The following ROR2 variants were observed in gnomAD, a reference collection of about 807,000 sequenced individuals.
ROR2 encodes the protein tyrosine-protein kinase transmembrane receptor ROR2.
ROR2 carries 33 observed loss-of-function variants against 74.9 expected under a neutral mutation model. The ratio of observed to expected loss-of-function variants is 0.44; its 90% confidence interval spans 0.33 to 0.59. The LOEUF (loss-of-function observed/expected upper bound fraction) is 0.59. Ranked by LOEUF, ROR2 falls within the 20% of genes least tolerant of loss-of-function variation. The probability of loss-of-function intolerance (pLI) is 0.02; values close to 1 mark genes in which losing one functional copy is unlikely to be tolerated. For missense variants in ROR2, 1,216 were observed against 1,313.8 expected, an observed-to-expected ratio of 0.93 and a Z score of 1.15; for synonymous variants, 586 against 558.7, an observed-to-expected ratio of 1.05 and a Z score of -0.69.
intron 2 of ROR2, among the ~76,000 whole-genome samples, chr9:91,772,024 C>T (rs1761629258): frequency 6.6e-6 from 1 of 152,186 alleles, no homozygotes; most frequent in Non-Finnish European, 1.5e-5. Flanking sequence ...TTCCCAGAAG[C>T]TCTATGAGCA....
intron 8 of ROR2, among the ~76,000 whole-genome samples, 167 bp downstream of exon 8, chr9:91,726,374 A>G (rs1007069715): frequency 1.3e-5 from 2 of 152,128 alleles, no homozygotes; most frequent in African/African-American, 2.4e-5. Context: ...TAAAGCACAC[A>G]TGTCCTGATC....
chr9:91,905,551 T>C lies in ROR2; in HGVS notation c.97+44316A>G, dbSNP rs749135362. Among the ~76,000 whole-genome samples, 25 of 149,302 alleles carry C rather than the reference T, an allele frequency of 1.7e-4. No individual in the cohort carries two copies. Among genetic ancestry groups the C allele is most frequent in the Non-Finnish European group, 2.8e-4 (19 of 67,272 alleles). On this transcript the variant is annotated intron_variant, in intron 1 of 8. Coordinates refer to ENST00000375708, the MANE Select transcript of ROR2 (RefSeq NM_004560.4). This position sits in a 1 kb window ranked among gnomAD's most constrained non-coding sequence, Gnocchi z 5.3. ...CACAACCCAACATACACAGACACAA[T>C]ACAACACATACACAAACATACAACA... is the stretch of plus-strand genomic sequence containing the variant.
intron 2 of ROR2, among the ~76,000 whole-genome samples, chr9:91,759,454 G>A (rs1028912637): frequency 2.6e-5 from 4 of 152,154 alleles, no homozygotes; most frequent in Non-Finnish European, 5.9e-5. Flanking sequence ...AAATGCTGAT[G>A]ACAATTCTTT....
chr9:91,944,353 T>C (rs1218035934), intron 1 of ROR2, among the ~76,000 whole-genome samples: 17 of 152,214 alleles, frequency 1.1e-4, no homozygotes, highest in Admixed American at 1.1e-3. Context: ...CATGACTGTA[T>C]TGGAAGTTCC....
intron 1 of ROR2, among the ~76,000 whole-genome samples, chr9:91,857,603 G>A (rs1829335371): frequency 1.3e-5 from 2 of 152,202 alleles, no homozygotes; most frequent in South Asian, 2.1e-4. Flanking sequence ...GGAGTGAGAT[G>A]TTACACACCG....
At chr9:91,799,659 T>C (rs145010024) in intron 1 of ROR2, among the ~76,000 whole-genome samples, 1 of 152,146 alleles carries the variant, frequency 6.6e-6, no homozygotes, top group Admixed American at 6.5e-5. Context: ...AAATACCAAG[T>C]AGGGACAAGG....
intron 1 of ROR2, among the ~76,000 whole-genome samples, chr9:91,897,522 G>A (rs1830564968): frequency 6.6e-6 from 1 of 151,460 alleles, no homozygotes; most frequent in African/African-American, 2.4e-5. Flanking sequence ...AGAACAAAGT[G>A]ATACTGGGTG....
intron 2 of ROR2, among the ~76,000 whole-genome samples, chr9:91,772,219 G>A (rs1826255571): frequency 6.6e-6 from 1 of 152,146 alleles, no homozygotes; most frequent in Non-Finnish European, 1.5e-5. Context: ...GGAAAGATTG[G>A]GGCCCCTACC....
At chr9:91,820,944 A>T (rs1175203044) in intron 1 of ROR2, among the ~76,000 whole-genome samples, 1 of 152,184 alleles carries the variant, frequency 6.6e-6, no homozygotes, top group Non-Finnish European at 1.5e-5. Flanking sequence ...TCTACTAAAA[A>T]TAAAAAATTA....
rs780864822 is a variant in ROR2, at chr9:91,733,096, C to T, written c.937+26G>A. 3.8e-6 allele frequency: 6 copies of T among 1,565,034 alleles called. No individual in the cohort carries two copies. The highest frequency in any genetic ancestry group is 1.9e-4 in the Middle Eastern group (1 of 5,176). ...CCCTACACTCCCTGCGCCCCCCGGT[C>T]CCGCCCCGGGCCCTCGGGCACTCAC... On this transcript the variant is annotated intron_variant, in intron 6 of 8. Transcript: ENST00000375708. The surrounding 1 kb of genome is among the most constrained non-coding windows in gnomAD (Gnocchi z 5.7).
At chr9:91,769,831 C>T (rs1826172724) in intron 2 of ROR2, among the ~76,000 whole-genome samples, 1 of 152,198 alleles carries the variant, frequency 6.6e-6, no homozygotes, top group African/African-American at 2.4e-5. Flanking sequence ...TTTAGAAAGA[C>T]ACTCAGAGAG....
rs532947598 is a variant in ROR2, at chr9:91,833,231, C to A, written c.98-57413G>T. On this transcript the variant is annotated intron_variant, in intron 1 of 8. Coordinates refer to ENST00000375708, the MANE Select transcript of ROR2 (RefSeq NM_004560.4). ...GGGAGGAAGGACCCCCAAGGCTGCTCAGCTGCTTGTCCATCCAGCCTGCCG... is the reference window on the plus strand; with the variant it reads ...GGGAGGAAGGACCCCCAAGGCTGCTAAGCTGCTTGTCCATCCAGCCTGCCG... 9.5e-4 allele frequency among the ~76,000 whole-genome samples: 145 copies of A among 152,298 alleles called. 1 individual carries two copies. The highest frequency in any genetic ancestry group is 3.3e-3 in the African/African-American group (137 of 41,560).
intron 1 of ROR2, among the ~76,000 whole-genome samples, chr9:91,833,063 C>T (rs986417018): frequency 6.6e-6 from 1 of 152,176 alleles, no homozygotes; most frequent in Admixed American, 6.5e-5. Flanking sequence ...CTAAGCCCTG[C>T]AACACCCCCA....
chr9:91,911,933 C>CAAAAAA lies in ROR2; in HGVS notation c.97+37928_97+37933dup, dbSNP rs747087662. Among the ~76,000 whole-genome samples, 79 of 76,270 alleles carry CAAAAAA rather than the reference C, an allele frequency of 1.0e-3. 2 individuals are homozygous for CAAAAAA. Among genetic ancestry groups the CAAAAAA allele is most frequent in the African/African-American group, 2.0e-3 (42 of 20,704 alleles). The allele number at this position is 76,270 out of a possible 152,430, so 50.0% of individuals were successfully genotyped here. On this transcript the variant is annotated intron_variant, in intron 1 of 8. Transcript: ENST00000375708. ...CCAGTGTCCATTACCTGAGTCTAAG[C>CAAAAAA]AAAAAAAAAAAAAAAAAAAAACCAC...
chr9:91,797,093 AGGGCTGACACCCTGGGCTCTGTGGGTG>A (rs1485136616), intron 1 of ROR2, among the ~76,000 whole-genome samples: 47 of 21,660 alleles, frequency 2.2e-3, no homozygotes, highest in African/African-American at 7.7e-3. Context: ...ATCTGTGGAT[AGGGCTGACACCCTGGGCTCTGTGGGTG>A]GGGCTGACAC....
chr9:91,930,989 A>T (rs1831535892), intron 1 of ROR2, among the ~76,000 whole-genome samples: 1 of 152,146 alleles, frequency 6.6e-6, no homozygotes, highest in Admixed American at 6.6e-5. Context: ...TTACCTTCTA[A>T]TCACTTGGAT....
rs201232887 is a variant in ROR2, at chr9:91,724,823, C to T, written c.1671G>A (p.Ser557=). Residue 557 remains serine, a synonymous_variant, in exon 9 of 9, where the codon TCG becomes TCA. Transcript: ENST00000375708. ...CCAGGAATTCGTGGAGGTCGCCGTG[C>T]GAACAGTAGCTGAAGATCATGCTCA... ...QPLSMIFSYC[S]HGDLHEFLVM... is the part of the protein sequence containing the mutation. The T allele has an allele frequency of 9.6e-5, 155 of 1,606,272 alleles. No individual in the cohort carries two copies. Among genetic ancestry groups the T allele is most frequent in the Admixed American group, 9.2e-4 (55 of 59,818 alleles).
chr9:91,762,052 G>A (rs1388429735), intron 2 of ROR2, among the ~76,000 whole-genome samples: 1 of 152,140 alleles, frequency 6.6e-6, no homozygotes, highest in Non-Finnish European at 1.5e-5. Flanking sequence ...TTTCCGTGTG[G>A]TGAGCAGCAG....
chr9:91,918,742 A>C (rs1831197957), intron 1 of ROR2, among the ~76,000 whole-genome samples: 1 of 152,162 alleles, frequency 6.6e-6, no homozygotes, highest in Non-Finnish European at 1.5e-5. Flanking sequence ...TCTTAATTTT[A>C]AGAATTCTGT....
Sources: gnomAD v4.1 joint callset for allele counts (sites outside exome capture counted in the v4.1 genomes callset) on GRCh38, gnomAD v4.1.1 for gene constraint, Gnocchi (gnomAD v3.1) non-coding constraint, MANE v1.5 for transcripts, NCBI Gene and HGNC (gene_info 2026-07-23, HGNC 2026-07-21) for gene names.